ABLIM1: variants seen among roughly 807,000 people sequenced by gnomAD.
ABLIM1 encodes the protein actin-binding LIM protein 1.
ABLIM1 carries 40 observed loss-of-function variants against 107.0 expected under a neutral mutation model. That is an observed-to-expected ratio of 0.37 (90% CI 0.29 to 0.49). ABLIM1 has a LOEUF of 0.49. Ranked by LOEUF, ABLIM1 falls within the 20% of genes least tolerant of loss-of-function variation. The pLI is 0.97. For missense variants in ABLIM1, 857 were observed against 1,008.5 expected, an observed-to-expected ratio of 0.85 and a Z score of 2.04; for synonymous variants, 357 against 357.3, an observed-to-expected ratio of 1.00 and a Z score of 0.01.
In ABLIM1 at chr10:114,441,004, A is replaced by G. The variant is rs1213307689; in HGVS notation, c.2059+13T>C. ...AGACGTGGCCATGCTCAGCCTGGCC[A>G]TGGGAGCCTCACCTCGCACTCCCCC... On this transcript the variant is annotated intron_variant, in intron 19 of 22. Coordinates refer to ENST00000533213, the MANE Select transcript of ABLIM1 (RefSeq NM_002313.7). 6.3e-7 allele frequency: 1 copy of G among 1,582,284 alleles called. No homozygotes were observed. The highest frequency in any genetic ancestry group is 1.2e-5 in the South Asian group (1 of 86,442).
chr10:114,522,360 A>G (rs1013508954), intron 6 of ABLIM1, among the ~76,000 whole-genome samples: 2 of 152,180 alleles, frequency 1.3e-5, no homozygotes, highest in African/African-American at 4.8e-5. Context: ...ATCTTCTTTC[A>G]TCTGTTGCCA....
intron 1 of ABLIM1, chr10:114,613,806 C>G: frequency 2.5e-6 from 3 of 1,212,270 alleles, no homozygotes; most frequent in Non-Finnish European, 2.2e-6. Context: ...CCTCCCAGAC[C>G]TGAACTTCAG....
chr10:114,552,844 ATGCTTGG>A (rs2068238725), intron 4 of ABLIM1, among the ~76,000 whole-genome samples: 1 of 152,206 alleles, frequency 6.6e-6, no homozygotes, highest in African/African-American at 2.4e-5. Flanking sequence ...GCATAATACA[ATGCTTGG>A]TACATGTGAG....
intron 1 of ABLIM1, among the ~76,000 whole-genome samples, chr10:114,664,306 G>A (rs1242901187): frequency 1.3e-5 from 2 of 152,170 alleles, no homozygotes; most frequent in East Asian, 3.9e-4. Context: ...GGATGGGCCA[G>A]GTGTCAGCAG....
At chr10:114,787,797 C>T in the ABLIM1 span, among the ~76,000 whole-genome samples, 9 of 142,378 alleles carry the variant, frequency 6.3e-5, no homozygotes, top group Non-Finnish European at 1.1e-4. Context: ...TGAGGAGCCC[C>T]TCTGCCCGGC....
chr10:114,652,338 C>T (rs1226532509), intron 1 of ABLIM1, among the ~76,000 whole-genome samples: 1 of 152,148 alleles, frequency 6.6e-6, no homozygotes, highest in Non-Finnish European at 1.5e-5. Context: ...GAAGGGCACA[C>T]TAAAAGAAAA....
chr10:114,608,597 A>G (rs2076588108), intron 1 of ABLIM1, among the ~76,000 whole-genome samples: 3 of 152,038 alleles, frequency 2.0e-5, no homozygotes, highest in Admixed American at 2.0e-4. Context: ...TGAACCTGGG[A>G]GGCGGAGGTT....
At chr10:114,497,681 CAAAAAAAAA>C (rs576676119) in intron 6 of ABLIM1, among the ~76,000 whole-genome samples, 18 of 75,562 alleles carry the variant, frequency 2.4e-4, no homozygotes, top group African/African-American at 7.1e-4. Flanking sequence ...GATTCTGTCT[CAAAAAAAAA>C]AAAAAAAAAA....
chr10:114,626,110 T>G (rs1483340360), intron 1 of ABLIM1, among the ~76,000 whole-genome samples: 3 of 152,014 alleles, frequency 2.0e-5, no homozygotes, highest in African/African-American at 7.3e-5. Context: ...TTTATTTGGG[T>G]TTTTGAGCTG....
At chr10:114,749,122 A>G (rs554559969) in intron 1 of ABLIM1, among the ~76,000 whole-genome samples, 1 of 152,334 alleles carries the variant, frequency 6.6e-6, no homozygotes, top group East Asian at 1.9e-4. Flanking sequence ...CTGAAAACAT[A>G]ATGATTTATG....
At chr10:114,491,010 G>GTATATATATATATA (rs1484101683) in intron 7 of ABLIM1, among the ~76,000 whole-genome samples, 216 of 89,148 alleles carry the variant, frequency 2.4e-3, no homozygotes, top group African/African-American at 0.011. Context: ...GTGTGTGTGT[G>GTATATATATATATA]TGTATATATA....
At chr10:114,660,959 A>T (rs1263177988), upstream of ABLIM1, among the ~76,000 whole-genome samples, 1 of 152,196 alleles carries the variant, frequency 6.6e-6, no homozygotes, top group East Asian at 1.9e-4. Flanking sequence ...CATTGCCCAC[A>T]AAAACTATTT....
intron 1 of ABLIM1, chr10:114,631,898 T>C (rs761375101): frequency 7.7e-7 from 1 of 1,304,220 alleles, no homozygotes; most frequent in South Asian, 1.2e-5. Context: ...ATATTTATAA[T>C]TACCTTTTTC....
At chr10:114,797,039 A>G in the ABLIM1 span, among the ~76,000 whole-genome samples, 7 of 152,300 alleles carry the variant, frequency 4.6e-5, no homozygotes, top group Non-Finnish European at 8.8e-5. Flanking sequence ...CATCAACAAA[A>G]CTGTCCAACT....
At chr10:114,708,275 T>C (rs2081468795) in intron 1 of ABLIM1, among the ~76,000 whole-genome samples, 1 of 152,154 alleles carries the variant, frequency 6.6e-6, no homozygotes, top group Admixed American at 6.5e-5. Flanking sequence ...GATGGCAACA[T>C]AGCTACACCC....
At position 114,690,488 on chromosome 10, in the gene ABLIM1, G is replaced by A. The variant is rs1376190332; in HGVS notation, c.-213+77573C>T. On this transcript the variant is annotated intron_variant, in intron 1 of 15. Transcript: ENST00000651092. ...ACCCTGGAATAATTCTGTGAAAGCG[G>A]GAGCCCTTACAACCAAATCCTTTCT... The A allele has an allele frequency of 2.6e-6, 4 of 1,564,422 alleles. No individual in the cohort carries two copies. The South Asian group carries it at 4.4e-5, about 17-fold the overall frequency.
chr10:114,440,851 T>C (rs781174866), intron 19 of ABLIM1, 166 bp downstream of exon 19: 1 of 742,610 alleles, frequency 1.3e-6, no homozygotes. Flanking sequence ...TCATTAGATA[T>C]TCTTTGAAAT....
At chr10:114,633,285 G>A (rs1184990203) in intron 1 of ABLIM1, among the ~76,000 whole-genome samples, 2 of 152,298 alleles carry the variant, frequency 1.3e-5, no homozygotes, top group Non-Finnish European at 2.9e-5. Flanking sequence ...GTGTATGGCT[G>A]AAATAAACTA....
chr10:114,782,193 T>A, the ABLIM1 span, among the ~76,000 whole-genome samples: 5 of 152,068 alleles, frequency 3.3e-5, no homozygotes, highest in African/African-American at 9.7e-5. Flanking sequence ...GCAAAAAAAA[T>A]TCTGATTTAA....
Sources: allele counts gnomAD v4.1 joint callset (sites outside exome capture counted in the v4.1 genomes callset), GRCh38; gene constraint gnomAD v4.1.1; transcripts MANE v1.5; gene names NCBI Gene and HGNC (gene_info 2026-07-23, HGNC 2026-07-21).